SAMD12: variants seen among roughly 807,000 people sequenced by gnomAD.
The protein encoded by SAMD12 is sterile alpha motif domain-containing protein 12.
SAMD12 carries 9 observed loss-of-function variants against 15.0 expected under a neutral mutation model. The observed-to-expected ratio is 0.60, with a 90% CI of 0.36 to 1.05. The LOEUF (loss-of-function observed/expected upper bound fraction) is 1.05, where lower values mean the gene tolerates loss of function less well. SAMD12 is among the 50% of genes least tolerant of loss of function. The probability of loss-of-function intolerance (pLI) is 0.01; values close to 1 mark genes in which losing one functional copy is unlikely to be tolerated. For synonymous variants in SAMD12, 86 were observed against 90.1 expected (o/e 0.96, Z 0.25); for missense variants, 230 against 234.2 (o/e 0.98, Z 0.12).
exon 5 of SAMD12, chr8:118,197,663 A>C: frequency 6.5e-7 from 1 of 1,529,344 alleles, no homozygotes; most frequent in Non-Finnish European, 9.1e-7. Context: ...GGAACAGGCC[A>C]TGTTCATATC....
chr8:118,457,280 G>A (rs1823286934), intron 2 of SAMD12, among the ~76,000 whole-genome samples: 1 of 150,338 alleles, frequency 6.7e-6, no homozygotes, highest in African/African-American at 2.5e-5. Flanking sequence ...GCCCATGCTG[G>A]AGTGCGGTGG....
At chr8:118,496,940 G>A (rs1046623771) in intron 2 of SAMD12, among the ~76,000 whole-genome samples, 1 of 150,288 alleles carries the variant, frequency 6.7e-6, no homozygotes, top group African/African-American at 2.5e-5. Flanking sequence ...CTCAAAAGAA[G>A]ATATACATAG....
chr8:118,289,639 T>TAACCAG (rs1814252876), intron 4 of SAMD12, among the ~76,000 whole-genome samples: 1 of 152,248 alleles, frequency 6.6e-6, no homozygotes, highest in Non-Finnish European at 1.5e-5. Flanking sequence ...ACAGCAGTGC[T>TAACCAG]AACCAGAATC....
chr8:118,564,874 C>T (rs1216389895), intron 2 of SAMD12, among the ~76,000 whole-genome samples: 1 of 152,228 alleles, frequency 6.6e-6, no homozygotes, highest in East Asian at 1.9e-4. Flanking sequence ...GCTCTTTTGA[C>T]TTTGGGCTCT....
At chr8:118,570,581 T>TACC (rs1333856738) in intron 2 of SAMD12, among the ~76,000 whole-genome samples, 3 of 152,246 alleles carry the variant, frequency 2.0e-5, no homozygotes, top group African/African-American at 7.2e-5. Flanking sequence ...TGGGGATATA[T>TACC]ACCACATTTT....
intron 1 of SAMD12, chr8:118,621,018 A>G (rs1414003262): frequency 6.6e-6 from 1 of 152,154 alleles, no homozygotes; most frequent in African/African-American, 2.4e-5. Flanking sequence ...GTTCCAAGGT[A>G]AGATAACCTG....
In SAMD12 at chr8:118,283,427, C is replaced by T. The variant is rs531579629; in HGVS notation, c.434-85695G>A. Among the ~76,000 whole-genome samples the T allele has an allele frequency of 5.9e-5, 9 of 152,270 alleles. No individual in the cohort carries two copies. The South Asian group carries it at 6.2e-4, about 11-fold the overall frequency. The stretch of plus-strand genomic sequence containing the variant: ...TCTGAGCTAGTTTTAGAAGGGAGTA[C>T]GTAGCCTTAATATTCCATTCCTTGC... On this transcript the variant is annotated intron_variant, in intron 4 of 4. Transcript: ENST00000409003.
At chr8:118,300,032 CTTT>C (rs66517737) in intron 4 of SAMD12, among the ~76,000 whole-genome samples, 32 of 151,692 alleles carry the variant, frequency 2.1e-4, no homozygotes, top group African/African-American at 6.3e-4. Flanking sequence ...TTTTTCTTTA[CTTT>C]TTTTTAATTG....
At chr8:118,555,086 A>G (rs1586815794) in intron 2 of SAMD12, among the ~76,000 whole-genome samples, 1 of 152,308 alleles carries the variant, frequency 6.6e-6, no homozygotes, top group South Asian at 2.1e-4. Flanking sequence ...GGAAAATAAT[A>G]ATTCAACAAC....
chr8:118,534,287 T>A (rs1825775181), intron 2 of SAMD12, among the ~76,000 whole-genome samples: 1 of 152,206 alleles, frequency 6.6e-6, no homozygotes, highest in Non-Finnish European at 1.5e-5. Context: ...CTCTTCTGGC[T>A]TGTAGAGTTT....
At chr8:118,221,552 T>C (rs1470962146) in intron 4 of SAMD12, among the ~76,000 whole-genome samples, 2 of 152,096 alleles carry the variant, frequency 1.3e-5, no homozygotes, top group Non-Finnish European at 2.9e-5. Flanking sequence ...GGCTTAGTCA[T>C]AGGATGAGTT....
intron 1 of SAMD12, among the ~76,000 whole-genome samples, chr8:118,617,535 T>C (rs1458691805): frequency 6.6e-6 from 1 of 152,220 alleles, no homozygotes; most frequent in East Asian, 1.9e-4. Context: ...ATGTTTTTCT[T>C]GGGGAGAGAG....
intron 2 of SAMD12, among the ~76,000 whole-genome samples, chr8:118,543,867 T>A (rs1218787116): frequency 6.6e-6 from 1 of 152,162 alleles, no homozygotes; most frequent in Non-Finnish European, 1.5e-5. Flanking sequence ...ATGGTCTTTA[T>A]ATTCACCTTT....
At chr8:118,160,623 A>T in the SAMD12 span, among the ~76,000 whole-genome samples, 1 of 152,244 alleles carries the variant, frequency 6.6e-6, no homozygotes, top group Non-Finnish European at 1.5e-5. Context: ...GTGCCAAAAA[A>T]TTTACAAATA....
intron 4 of SAMD12, among the ~76,000 whole-genome samples, chr8:118,234,822 TTTAA>T (rs747740433): frequency 6.6e-5 from 10 of 151,962 alleles, no homozygotes; most frequent in South Asian, 2.1e-4. Flanking sequence ...CATAATAAAA[TTTAA>T]TTATTTCTAT....
At chr8:118,467,929 G>A (rs1164320997) in intron 2 of SAMD12, among the ~76,000 whole-genome samples, 2 of 152,216 alleles carry the variant, frequency 1.3e-5, no homozygotes, top group African/African-American at 2.4e-5. Context: ...GACCACGAGT[G>A]CATAAAGATG....
chr8:118,466,974 A>G (rs1282071747), intron 2 of SAMD12, among the ~76,000 whole-genome samples: 2 of 152,212 alleles, frequency 1.3e-5, no homozygotes, highest in Non-Finnish European at 2.9e-5. Context: ...AACACTTGAC[A>G]TGTAATTCTT....
chr8:118,535,824 C>T (rs1022624869), intron 2 of SAMD12, among the ~76,000 whole-genome samples: 7 of 152,166 alleles, frequency 4.6e-5, no homozygotes, highest in South Asian at 2.1e-4. Context: ...TGGAGTGACC[C>T]GATTTTCCAG....
At chr8:118,377,016 C>G (rs1819422443), downstream of SAMD12, among the ~76,000 whole-genome samples, 1 of 151,988 alleles carries the variant, frequency 6.6e-6, no homozygotes, top group Non-Finnish European at 1.5e-5. Flanking sequence ...AACAACTTAT[C>G]AATTTTGTTT....
Sources: gnomAD v4.1 joint callset for allele counts (sites outside exome capture counted in the v4.1 genomes callset) on GRCh38, gnomAD v4.1.1 for gene constraint, MANE v1.5 for transcripts, NCBI Gene and HGNC (gene_info 2026-07-23, HGNC 2026-07-21) for gene names.